CALHM4: variants seen among roughly 807,000 people sequenced by gnomAD.
The protein encoded by CALHM4 is calcium homeostasis modulator protein 4.
Under a neutral mutation model 13.3 loss-of-function variants are expected in CALHM4, and 16 were observed. The observed-to-expected ratio is 1.20, with a 90% CI of 0.81 to 1.82. CALHM4 has a LOEUF of 1.82. CALHM4 is among the 40% of genes most tolerant of loss of function. The pLI is 0.00. For missense variants in CALHM4, 344 were observed against 374.9 expected (o/e 0.92, Z 0.68); for synonymous variants, 127 against 137.1 (o/e 0.93, Z 0.52).
intron 1 of CALHM4, among the ~76,000 whole-genome samples, chr6:116,534,829 G>A (rs372661641): frequency 6.6e-6 from 1 of 152,068 alleles, no homozygotes; most frequent in Non-Finnish European, 1.5e-5. Context: ...TTTCCAACAA[G>A]TACAGTATAT....
intron 1 of CALHM4, among the ~76,000 whole-genome samples, chr6:116,542,776 A>C (rs1773541782): frequency 6.6e-6 from 1 of 152,114 alleles, no homozygotes; most frequent in Admixed American, 6.6e-5. Context: ...TGATTAAAAA[A>C]CATTCAAACA....
intron 1 of CALHM4, among the ~76,000 whole-genome samples, chr6:116,557,527 A>G (rs1422016430): frequency 2.0e-5 from 3 of 152,218 alleles, no homozygotes; most frequent in Non-Finnish European, 4.4e-5. Context: ...TGTAAGGTTA[A>G]TTGGTGGGTT....
At chr6:116,554,766 T>G (rs1369477836) in intron 1 of CALHM4, among the ~76,000 whole-genome samples, 1 of 152,186 alleles carries the variant, frequency 6.6e-6, no homozygotes, top group African/African-American at 2.4e-5. Context: ...ATATATATTC[T>G]TAAATATGCA....
intron 1 of CALHM4, among the ~76,000 whole-genome samples, chr6:116,530,247 A>T (rs1772615178): frequency 6.6e-6 from 1 of 152,160 alleles, no homozygotes; most frequent in African/African-American, 2.4e-5. Context: ...AAAGGAAAAA[A>T]CAGCCTAAGA....
intron 2 of CALHM4, chr6:116,545,642 C>A: frequency 2.9e-6 from 2 of 684,242 alleles, no homozygotes; most frequent in Non-Finnish European, 4.7e-6. Context: ...AGGAGTGCTG[C>A]TTCTGCACTC....
chr6:116,553,986 G>A lies in CALHM4; in HGVS notation c.193G>A (p.Val65Ile), dbSNP rs185033689. The A allele has an allele frequency of 3.2e-6, 5 of 1,550,536 alleles. No homozygotes were observed. Among genetic ancestry groups the A allele is most frequent in the Middle Eastern group, 1.7e-4 (1 of 5,992 alleles). ...TGTCATTCCTGCCTTGATCCTTCTC[G>A]TTGCTGGCTTTGCTCTGAGAAGCCA... ...FLVIPALILL[V>I]AGFALRSQMW... is the part of the protein sequence containing the mutation. The change falls in exon 1 of 2, where the codon GTT becomes ATT. Residue 65 changes from valine (V) to isoleucine (I), a missense_variant. Val to Ile is a conservative substitution (Grantham distance 29). Transcript: ENST00000368596.
Position 116,532,849 on chromosome 6 carries a change from G to A in CALHM4, c.-109+3659G>A, listed in dbSNP as rs73769122. Among the ~76,000 whole-genome samples the A allele has an allele frequency of 2.2e-3, 329 of 152,286 alleles. 1 individual carries two copies. Among genetic ancestry groups the A allele is most frequent in the African/African-American group, 7.7e-3 (321 of 41,554 alleles). ...AGGTAGGTTAAGTAAGGTTAATCATGGGTTCCCTTACCTTTACAAAGTTGC... is the reference window on the plus strand; with the variant it reads ...AGGTAGGTTAAGTAAGGTTAATCATAGGTTCCCTTACCTTTACAAAGTTGC... On this transcript the variant is annotated intron_variant, in intron 1 of 2. Coordinates refer to the CALHM4 transcript ENST00000368597.
chr6:116,557,890 G>A lies in CALHM4; in HGVS notation c.624G>A (p.Lys208=). Residue 208 remains lysine (K), a synonymous_variant, in exon 2 of 2, where the codon AAG becomes AAA. Transcript: ENST00000368596. ...CCTTAGTCTCCTGCTGTGTGGCAAAGTGCTGCTCTCCCCTCACCTCTCTGC... is the reference window on the plus strand; with the variant it reads ...CCTTAGTCTCCTGCTGTGTGGCAAAATGCTGCTCTCCCCTCACCTCTCTGC... ...IAALVSCCVA[K]CCSPLTSLQH... is the part of the protein sequence containing the mutation. 2 of 1,614,134 alleles carry A rather than the reference G, an allele frequency of 1.2e-6. No individual in the cohort carries two copies. Among genetic ancestry groups the A allele is most frequent in the Non-Finnish European group, 8.5e-7 (1 of 1,180,014 alleles).
chr6:116,556,087 A>G (rs990239023), intron 1 of CALHM4, among the ~76,000 whole-genome samples: 3 of 152,174 alleles, frequency 2.0e-5, no homozygotes, highest in Admixed American at 1.3e-4. Context: ...CCAACTATTC[A>G]TGCTATTTTC....
intron 1 of CALHM4, among the ~76,000 whole-genome samples, chr6:116,533,248 C>T (rs781230399): frequency 1.6e-4 from 24 of 152,108 alleles, no homozygotes; most frequent in Non-Finnish European, 2.6e-4. Context: ...AGAAAGCGAA[C>T]ATAGATTTGG....
chr6:116,552,024 A>G (rs1042844857), upstream of CALHM4, among the ~76,000 whole-genome samples: 6 of 152,118 alleles, frequency 3.9e-5, no homozygotes, highest in Non-Finnish European at 8.8e-5. Context: ...GCCCATCATT[A>G]TTTTTTGCTC....
chr6:116,547,294 C>T (rs978844207), intron 2 of CALHM4, among the ~76,000 whole-genome samples: 1 of 152,166 alleles, frequency 6.6e-6, no homozygotes, highest in African/African-American at 2.4e-5. Flanking sequence ...TGTGTGCTTG[C>T]TGCGAGGTGA....
At chr6:116,533,696 A>T (rs1227609544) in intron 1 of CALHM4, among the ~76,000 whole-genome samples, 1 of 152,202 alleles carries the variant, frequency 6.6e-6, no homozygotes, top group Non-Finnish European at 1.5e-5. Context: ...CATCATGCAG[A>T]CATTTCTCCT....
intron 1 of CALHM4, among the ~76,000 whole-genome samples, chr6:116,534,369 A>G (rs1383393623): frequency 6.6e-6 from 1 of 152,188 alleles, no homozygotes; most frequent in Non-Finnish European, 1.5e-5. Context: ...CTCCATTCTA[A>G]AGCAGCTCAG....
chr6:116,545,452 C>A, intron 2 of CALHM4: 1 of 1,536,028 alleles, frequency 6.5e-7, no homozygotes, highest in Non-Finnish European at 8.8e-7. Flanking sequence ...TAGAAAAAAT[C>A]TCTTTGTAGA....
chr6:116,545,131 A>G (rs896250964), intron 2 of CALHM4, among the ~76,000 whole-genome samples: 1 of 150,942 alleles, frequency 6.6e-6, no homozygotes, highest in African/African-American at 2.4e-5. Flanking sequence ...ACATACATAT[A>G]TATACATATA....
chr6:116,553,672 T>C (rs1378204386), upstream of CALHM4: 18 of 861,186 alleles, frequency 2.1e-5, no homozygotes, highest in South Asian at 9.1e-5. Context: ...TTTAAACATG[T>C]AAGGATGTTG....
upstream of CALHM4, chr6:116,553,734 G>T: frequency 7.0e-7 from 1 of 1,438,762 alleles, no homozygotes; most frequent in South Asian, 1.3e-5. Flanking sequence ...AATGGTTATA[G>T]CTGGTGGAGT....
rs146712444 is a variant in CALHM4 at position 116,560,130 on chromosome 6, T to A, written c.*1919T>A. On this transcript the variant is annotated 3_prime_UTR_variant, in exon 2 of 2. Transcript: ENST00000368596. ...GGAATGTCACATCCATTTTGTTCCC[T>A]AAGGTCTGCTCCAGTTCTAAAATTC... Among the ~76,000 whole-genome samples, 470 of 152,316 alleles carry A rather than the reference T, an allele frequency of 3.1e-3. 12 individuals carry two copies. Among genetic ancestry groups the A allele is most frequent in the Admixed American group, 0.022 (342 of 15,302 alleles).
Sources: allele counts gnomAD v4.1 joint callset (sites outside exome capture counted in the v4.1 genomes callset), GRCh38; gene constraint gnomAD v4.1.1; transcripts MANE v1.5; gene names NCBI Gene and HGNC (gene_info 2026-07-23, HGNC 2026-07-21).